The following RCHY1 variants were observed in gnomAD, a reference collection of about 807,000 sequenced individuals.
The protein encoded by RCHY1 is RING finger and CHY zinc finger domain-containing protein 1.
RCHY1 carries 21 observed loss-of-function variants against 41.6 expected under a neutral mutation model. The observed-to-expected ratio is 0.51, with a 90% CI of 0.36 to 0.73. The LOEUF (loss-of-function observed/expected upper bound fraction) is 0.73, where lower values mean the gene tolerates loss of function less well. Among genes scored for constraint, RCHY1 ranks in the 30% least tolerant of loss-of-function variants. The probability of loss-of-function intolerance (pLI) is 0.00; values close to 1 mark genes in which losing one functional copy is unlikely to be tolerated. For missense variants in RCHY1, 265 were observed against 325.3 expected (o/e 0.81, Z 1.43); for synonymous variants, 79 against 102.9 (o/e 0.77, Z 1.41).
At chr4:75,488,172 G>A (rs1039227085) in intron 8 of RCHY1, among the ~76,000 whole-genome samples, 1 of 151,740 alleles carries the variant, frequency 6.6e-6, no homozygotes, top group East Asian at 1.9e-4. Context: ...AATTATATGA[G>A]ATTCTAAAAT....
rs1193383630 is a variant in RCHY1 at position 75,482,422 on chromosome 4, C to T, written c.*116G>A. 8 of 865,568 alleles carry T rather than the reference C, an allele frequency of 9.2e-6. No homozygotes were observed. Among genetic ancestry groups the T allele is most frequent in the Non-Finnish European group, 1.3e-5 (8 of 601,968 alleles). The allele number at this position is 865,568 out of a possible 1,614,324, so 53.6% of individuals were successfully genotyped here. On this transcript the variant is annotated 3_prime_UTR_variant, in exon 9 of 9. Coordinates refer to ENST00000324439, the MANE Select transcript of RCHY1 (RefSeq NM_015436.4). The stretch of plus-strand genomic sequence containing the variant: ...TGTAATATGATTTTATGCTGTGACA[C>T]TAGTACAAAACACATCAACTCTAAT...
intron 3 of RCHY1, among the ~76,000 whole-genome samples, chr4:75,508,518 AAC>A (rs1724554980): frequency 1.3e-5 from 2 of 152,102 alleles, no homozygotes; most frequent in Admixed American, 6.5e-5. Flanking sequence ...TTGCCCATAA[AAC>A]ACTTTATATA....
At chr4:75,499,106 A>G (rs575962761) in intron 3 of RCHY1, among the ~76,000 whole-genome samples, 2 of 152,198 alleles carry the variant, frequency 1.3e-5, no homozygotes, top group African/African-American at 4.8e-5. Context: ...AGATTTAAAA[A>G]TAGTCCAAAG....
intron 3 of RCHY1, among the ~76,000 whole-genome samples, chr4:75,504,763 T>C (rs1046033269): frequency 1.3e-5 from 2 of 152,232 alleles, no homozygotes; most frequent in African/African-American, 4.8e-5. Context: ...AATTTGGGTT[T>C]GCAGTGTTCA....
rs1202342934 is a variant in RCHY1, at chr4:75,492,702, C to CA, written c.406-770dup. Among the ~76,000 whole-genome samples, 103 of 151,188 alleles carry CA rather than the reference C, an allele frequency of 6.8e-4. 1 individual carries two copies. Among genetic ancestry groups the CA allele is most frequent in the African/African-American group, 2.4e-3 (99 of 41,252 alleles). ...AAAAGATAACTGAAAAACAACATAA[C>CA]AAAAAAAACCATAACAAAAAAATAG... On this transcript the variant is annotated intron_variant, in intron 4 of 8. Transcript: ENST00000324439.
intron 3 of RCHY1, chr4:75,494,411 A>C (rs1350565904): frequency 2.5e-6 from 1 of 406,866 alleles, no homozygotes; most frequent in African/African-American, 2.1e-5. Context: ...TTGCAAAAAG[A>C]GAGAAACACA....
At chr4:75,501,860 C>G (rs922047133) in intron 3 of RCHY1, among the ~76,000 whole-genome samples, 1 of 152,078 alleles carries the variant, frequency 6.6e-6, no homozygotes, top group African/African-American at 2.4e-5. Flanking sequence ...GGGAGGATCA[C>G]CTGAGGTAGG....
At position 75,491,827 on chromosome 4, in the gene RCHY1, A is replaced by G. The variant is rs376373598; in HGVS notation, c.451-45T>C. 2.9e-5 allele frequency: 47 copies of G among 1,601,270 alleles called. 1 individual carries two copies. In the African/African-American group the frequency reaches 5.0e-4, roughly 17 times the overall value. ...TAGTGCTTGTATGAAGACAATATAA[A>G]CATCCAAGTATTTTAAATTCAAGAG... On this transcript the variant is annotated intron_variant, in intron 5 of 8. Coordinates refer to ENST00000324439, the MANE Select transcript of RCHY1 (RefSeq NM_015436.4).
chr4:75,490,702 C>G lies in RCHY1; in HGVS notation c.537-1G>C. Reference sequence around the variant, plus strand: ...CATACATAATGGACATCTGTAGCCTCTGAAAGAGATAGAAAGGTTATTTTC... The same window carrying G: ...CATACATAATGGACATCTGTAGCCTGTGAAAGAGATAGAAAGGTTATTTTC... On this transcript the variant is annotated splice_acceptor_variant, in intron 7 of 8. Transcript: ENST00000324439. LOFTEE classifies it high-confidence loss of function. 1 of 1,598,124 alleles carries G rather than the reference C, an allele frequency of 6.3e-7. No homozygotes were observed. Among genetic ancestry groups the G allele is most frequent in the Non-Finnish European group, 8.5e-7 (1 of 1,171,058 alleles).
chr4:75,507,212 G>A (rs1045797971), intron 3 of RCHY1, among the ~76,000 whole-genome samples: 8 of 151,970 alleles, frequency 5.3e-5, no homozygotes, highest in South Asian at 4.2e-4. Context: ...CAATAGAAAC[G>A]GTAAATATAT....
chr4:75,495,318 C>A (rs1723096990), intron 3 of RCHY1, among the ~76,000 whole-genome samples: 2 of 151,862 alleles, frequency 1.3e-5, no homozygotes, highest in Admixed American at 6.6e-5. Flanking sequence ...TACAGCTTTT[C>A]ATTTTTATAT....
chr4:75,479,665 A>G lies in RCHY1; in HGVS notation c.*2873T>C, dbSNP rs1721374502. 1 of 152,128 alleles carries G rather than the reference A, an allele frequency of 6.6e-6. No homozygotes were observed. Among genetic ancestry groups the G allele is most frequent in the Non-Finnish European group, 1.5e-5 (1 of 67,994 alleles). 9.4% of individuals were successfully genotyped at this position (152,128 alleles called of 1,614,324 possible). A position where few individuals can be genotyped will look rare whatever the true frequency, so the allele number is the denominator to read the frequency against. On this transcript the variant is annotated 3_prime_UTR_variant, in exon 9 of 9. Transcript: ENST00000324439. Reference sequence around the variant, plus strand: ...TTTTTTTTTTATACATACATCTTTAATGATAAAAGAAGCTGAGATGCTATG... The same window carrying G: ...TTTTTTTTTTATACATACATCTTTAGTGATAAAAGAAGCTGAGATGCTATG...
chr4:75,488,983 GAGAATCGCTTGAACC>G (rs1722498590), intron 8 of RCHY1, among the ~76,000 whole-genome samples: 1 of 152,066 alleles, frequency 6.6e-6, no homozygotes, highest in Admixed American at 6.5e-5. Flanking sequence ...GCTGAGGCAG[GAGAATCGCTTGAACC>G]CTGGAGGCAG....
intron 7 of RCHY1, chr4:75,490,981 CTAA>C (rs1560516343): frequency 4.4e-6 from 1 of 226,974 alleles, no homozygotes; most frequent in African/African-American, 2.3e-5. Flanking sequence ...TTTTTATAAA[CTAA>C]TTAAGCTACT....
intron 8 of RCHY1, among the ~76,000 whole-genome samples, chr4:75,487,107 G>C (rs897522572): frequency 6.6e-6 from 1 of 152,052 alleles, no homozygotes; most frequent in African/African-American, 2.4e-5. Flanking sequence ...GAATATAAAA[G>C]ATTTATGGAA....
chr4:75,504,528 C>T (rs992414588), intron 3 of RCHY1, among the ~76,000 whole-genome samples: 2 of 152,118 alleles, frequency 1.3e-5, no homozygotes, highest in African/African-American at 4.8e-5. Flanking sequence ...ATATAACATA[C>T]AAAATATGTA....
chr4:75,506,524 T>C (rs764927720), intron 3 of RCHY1, among the ~76,000 whole-genome samples: 3 of 151,674 alleles, frequency 2.0e-5, no homozygotes, highest in Middle Eastern at 3.2e-3. Flanking sequence ...CTTAAATAAA[T>C]AGATAACTTG....
chr4:75,499,709 G>A (rs1723564881), intron 3 of RCHY1, among the ~76,000 whole-genome samples: 1 of 152,172 alleles, frequency 6.6e-6, no homozygotes, highest in Admixed American at 6.5e-5. Context: ...ATATGTGGGA[G>A]CTAAAAACAG....
chr4:75,502,799 A>C (rs1400096978), intron 3 of RCHY1, among the ~76,000 whole-genome samples: 1 of 152,220 alleles, frequency 6.6e-6, no homozygotes, highest in Non-Finnish European at 1.5e-5. Flanking sequence ...CCTTTCATGT[A>C]GAAACATGAA....
Sources: gnomAD v4.1 joint callset for allele counts (sites outside exome capture counted in the v4.1 genomes callset) on GRCh38, gnomAD v4.1.1 for gene constraint, MANE v1.5 for transcripts, NCBI Gene and HGNC (gene_info 2026-07-23, HGNC 2026-07-21) for gene names.